C2orf49: variants seen among roughly 807,000 people sequenced by gnomAD.
C2orf49 encodes tRNA splicing ligase complex subunit 2, also known as tRNA-splicing ligase complex subunit ASW.
In C2orf49, 11 loss-of-function variants were observed where a neutral mutation model predicts 20.6. That is an observed-to-expected ratio of 0.53 (90% CI 0.34 to 0.88). The LOEUF is 0.88. C2orf49 is among the 40% of genes least tolerant of loss of function. C2orf49 has a pLI of 0.02. For missense variants in C2orf49, 289 were observed against 274.2 expected (o/e 1.05, Z -0.38); for synonymous variants, 134 against 108.5 (o/e 1.24, Z -1.46).
chr2:105,340,648 AAC>A (rs1457399631), intron 2 of C2orf49, among the ~76,000 whole-genome samples: 1 of 152,234 alleles, frequency 6.6e-6, no homozygotes, highest in Non-Finnish European at 1.5e-5. Context: ...TAATTTCAAA[AAC>A]AGTTTTATAA....
rs960489480 is a variant in C2orf49 at position 105,339,829 on chromosome 2, A to T, written c.266+80A>T. 1.3e-5 allele frequency: 17 copies of T among 1,270,468 alleles called. No homozygotes were observed. In the African/African-American group the frequency reaches 2.4e-4, roughly 18 times the overall value. The allele number at this position is 1,270,468 out of a possible 1,614,324, so 78.7% of individuals were successfully genotyped here. On this transcript the variant is annotated intron_variant, in intron 2 of 3. Transcript: ENST00000258457. ...TAAGTTATTGATTTTTCCTGAGATA[A>T]ACTTAAGTAAAAAATTTATTTACTC... is the stretch of plus-strand genomic sequence containing the variant.
the C2orf49 span, among the ~76,000 whole-genome samples, chr2:105,379,241 A>G: frequency 2.6e-5 from 4 of 152,216 alleles, no homozygotes; most frequent in Non-Finnish European, 4.4e-5. Context: ...ACAAGCATGT[A>G]TAACAGTTGC....
In C2orf49 at chr2:105,348,541, T is replaced by TAG. The variant is rs1414103449; in HGVS notation, c.*3171_*3172insGA. 1 of 147,588 alleles carries TAG rather than the reference T, an allele frequency of 6.8e-6. No individual in the cohort carries two copies. Among genetic ancestry groups the TAG allele is most frequent in the African/African-American group, 2.5e-5 (1 of 40,648 alleles). 9.1% of individuals were successfully genotyped at this position (147,588 alleles called of 1,614,324 possible). A position where few individuals can be genotyped will look rare whatever the true frequency, so the allele number is the denominator to read the frequency against. On this transcript the variant is annotated 3_prime_UTR_variant, in exon 4 of 4. Coordinates refer to ENST00000258457, the MANE Select transcript of C2orf49 (RefSeq NM_024093.3). ...GTAGATTAAATCATATATATATATA[T>TAG]ATATATATATATATATGTAAGAGCT... is the stretch of plus-strand genomic sequence containing the variant.
chr2:105,354,280 T>G, the C2orf49 span, among the ~76,000 whole-genome samples: 1 of 152,248 alleles, frequency 6.6e-6, no homozygotes, highest in Non-Finnish European at 1.5e-5. Flanking sequence ...TGTAGAATGA[T>G]TCCCTCATCA....
At chr2:105,363,544 TG>T in the C2orf49 span, 2 of 1,372,016 alleles carry the variant, frequency 1.5e-6, no homozygotes, top group South Asian at 2.8e-5. Flanking sequence ...CTACTGCCAC[TG>T]GACGATGCAA....
Position 105,343,081 on chromosome 2 carries a change from A to C in C2orf49, c.500A>C (p.Asn167Thr), listed in dbSNP as rs201112537. 4.2e-4 allele frequency: 675 copies of C among 1,614,268 alleles called. 1 individual carries two copies. The highest frequency in any genetic ancestry group is 1.6e-3 in the Middle Eastern group (10 of 6,062). Reference sequence around the variant, plus strand: ...CCTGTGAACAATAAAACGGAACACAATAATAATGACGCTAAACAGAACCAT... The same window carrying C: ...CCTGTGAACAATAAAACGGAACACACTAATAATGACGCTAAACAGAACCAT... ...NLPVNNKTEH[N>T]NNDAKQNHDL... Residue 167 changes from asparagine (N) to threonine (T), a missense_variant, in exon 3 of 4, where the codon AAT (asparagine) becomes ACT (threonine). Physicochemically the swap from Asn to Thr is moderately conservative, Grantham distance 65. Coordinates refer to ENST00000258457, the MANE Select transcript of C2orf49 (RefSeq NM_024093.3).
the C2orf49 span, among the ~76,000 whole-genome samples, chr2:105,369,399 G>C: frequency 2.0e-5 from 3 of 152,222 alleles, no homozygotes; most frequent in Non-Finnish European, 4.4e-5. Flanking sequence ...AATTAGGAAT[G>C]TGCTGAGAAT....
intron 2 of C2orf49, among the ~76,000 whole-genome samples, chr2:105,340,067 A>G (rs544574982): frequency 6.6e-6 from 1 of 152,356 alleles, no homozygotes; most frequent in Non-Finnish European, 1.5e-5. Context: ...AGAGACCTGT[A>G]GGAAGAAGAA....
downstream of C2orf49, among the ~76,000 whole-genome samples, chr2:105,349,522 G>T (rs1480463137): frequency 6.6e-6 from 1 of 152,142 alleles, no homozygotes; most frequent in East Asian, 1.9e-4. Flanking sequence ...TGCTTTTTCA[G>T]TTGTTTAGTA....
At chr2:105,383,070 G>A in the C2orf49 span, among the ~76,000 whole-genome samples, 4 of 152,160 alleles carry the variant, frequency 2.6e-5, no homozygotes, top group Non-Finnish European at 2.9e-5. Flanking sequence ...ATTTTTAGTA[G>A]AGACGGGGTT....
the C2orf49 span, chr2:105,374,067 C>G: frequency 3.0e-6 from 1 of 334,830 alleles, no homozygotes; most frequent in Middle Eastern, 1.0e-3. Context: ...CCTATCAATT[C>G]GTCTCACACC....
chr2:105,346,941 T>G lies in C2orf49; in HGVS notation c.*1570T>G, dbSNP rs1679828309. 6.6e-6 allele frequency: 1 copy of G among 152,214 alleles called. No homozygotes were observed. The highest frequency in any genetic ancestry group is 2.4e-5 in the African/African-American group (1 of 41,450). 9.4% of individuals were successfully genotyped at this position (152,214 alleles called of 1,614,324 possible). A position where few individuals can be genotyped will look rare whatever the true frequency, so the allele number is the denominator to read the frequency against. ...AAGAGCAAAGGATACTTCATACTTT[T>G]TTCGTTATATGATTGATCTTCAAAT... On this transcript the variant is annotated 3_prime_UTR_variant, in exon 4 of 4. Coordinates refer to ENST00000258457, the MANE Select transcript of C2orf49 (RefSeq NM_024093.3).
the C2orf49 span, chr2:105,375,401 A>T: frequency 6.6e-6 from 1 of 152,236 alleles, no homozygotes; most frequent in Non-Finnish European, 1.5e-5. Context: ...TTGCTGACGC[A>T]AGACGATAAA....
At chr2:105,355,761 GAA>G in the C2orf49 span, among the ~76,000 whole-genome samples, 2 of 140,882 alleles carry the variant, frequency 1.4e-5, no homozygotes, top group Non-Finnish European at 3.1e-5. Flanking sequence ...TAGCTCAGGA[GAA>G]AAAATTTTGT....
At chr2:105,385,271 C>A in the C2orf49 span, among the ~76,000 whole-genome samples, 8 of 152,270 alleles carry the variant, frequency 5.3e-5, no homozygotes, top group Admixed American at 1.3e-4. Context: ...TCCCTGGGAA[C>A]AGAAAGTGAT....
At position 105,343,239 on chromosome 2, in the gene C2orf49, G is replaced by C; in HGVS notation, c.642+16G>C. 1 of 1,548,838 alleles carries C rather than the reference G, an allele frequency of 6.5e-7. No individual in the cohort carries two copies. Among genetic ancestry groups the C allele is most frequent in the East Asian group, 2.2e-5 (1 of 44,462 alleles). On this transcript the variant is annotated intron_variant, in intron 3 of 3. Transcript: ENST00000258457. ...AGAGGCCATGGTAAGTATGGGGGTG[G>C]TTTCCATGCTGGTAAGTGGTCTGAA...
In C2orf49 at chr2:105,345,641, A is replaced by G. The variant is rs1295292097; in HGVS notation, c.*270A>G. On this transcript the variant is annotated 3_prime_UTR_variant, in exon 4 of 4. Transcript: ENST00000258457. ...TGTCATTTATATTGACCCTACTGAA[A>G]TTATTAGCTACAAATGTGCTATAAA... is the stretch of plus-strand genomic sequence containing the variant. The G allele has an allele frequency of 2.2e-5, 9 of 411,812 alleles. No homozygotes were observed. The highest frequency in any genetic ancestry group is 1.6e-4 in the South Asian group (5 of 31,474). The allele number at this position is 411,812 out of a possible 1,614,324, so 25.5% of individuals were successfully genotyped here. A position where few individuals can be genotyped will look rare whatever the true frequency, so the allele number is the denominator to read the frequency against.
At chr2:105,364,955 C>G in the C2orf49 span, among the ~76,000 whole-genome samples, 1 of 152,214 alleles carries the variant, frequency 6.6e-6, no homozygotes. Context: ...ACCCACCCCA[C>G]TGCACAAGAG....
chr2:105,355,596 T>C, the C2orf49 span, among the ~76,000 whole-genome samples: 1 of 152,270 alleles, frequency 6.6e-6, no homozygotes, highest in African/African-American at 2.4e-5. Flanking sequence ...ATCAAACAAG[T>C]TGGCTTGCTG....
Sources: gnomAD v4.1 joint callset for allele counts (sites outside exome capture counted in the v4.1 genomes callset) on GRCh38, gnomAD v4.1.1 for gene constraint, MANE v1.5 for transcripts, NCBI Gene and HGNC (gene_info 2026-07-23, HGNC 2026-07-21) for gene names.